RGS18: variants seen among roughly 807,000 people sequenced by gnomAD.
The protein encoded by RGS18 is regulator of G protein signaling 18, also known as regulator of G-protein signaling 18.
A neutral mutation model predicts 27.6 loss-of-function variants in RGS18; 22 were observed. The observed-to-expected ratio is 0.80, with a 90% CI of 0.57 to 1.14. RGS18 has a LOEUF of 1.14. Ranked by LOEUF, RGS18 falls within the 50% of genes most tolerant of loss-of-function variation. RGS18 has a pLI of 0.00. For missense variants in RGS18, 299 were observed against 269.6 expected (o/e 1.11, Z -0.76); for synonymous variants, 89 against 84.6 (o/e 1.05, Z -0.29).
chr1:192,164,260 T>C (rs1656124295), intron 3 of RGS18, among the ~76,000 whole-genome samples: 1 of 152,002 alleles, frequency 6.6e-6, no homozygotes, highest in Non-Finnish European at 1.5e-5. Context: ...AAGCAAAGAA[T>C]CAGTATAGGA....
At chr1:192,161,034 T>C (rs1457719682) in intron 3 of RGS18, among the ~76,000 whole-genome samples, 4 of 152,168 alleles carry the variant, frequency 2.6e-5, no homozygotes, top group Admixed American at 6.5e-5. Flanking sequence ...GTATTTTTAG[T>C]AGAGACAGGG....
rs1656027398 is a variant in RGS18, at chr1:192,159,217, C to T, written c.120-3C>T. 6.2e-7 allele frequency: 1 copy of T among 1,603,846 alleles called. No homozygotes were observed. Among genetic ancestry groups the T allele is most frequent in the Non-Finnish European group, 8.5e-7 (1 of 1,171,340 alleles). On this transcript the variant is annotated splice_region_variant and splice_polypyrimidine_tract_variant and intron_variant, in intron 1 of 4. Coordinates refer to ENST00000367460, the MANE Select transcript of RGS18 (RefSeq NM_130782.3). ...TCCTGACATGAAGGCCTTTTTATTA[C>T]AGAGCTAAGGAAAAAAGAAATAGAC... is the stretch of plus-strand genomic sequence containing the variant.
At chr1:192,177,066 G>T (rs1656371193) in intron 3 of RGS18, among the ~76,000 whole-genome samples, 1 of 151,760 alleles carries the variant, frequency 6.6e-6, no homozygotes, top group African/African-American at 2.4e-5. Flanking sequence ...AACTGTCACT[G>T]ATAGCCATTT....
At chr1:192,162,637 A>C (rs1656093970) in intron 3 of RGS18, among the ~76,000 whole-genome samples, 1 of 152,176 alleles carries the variant, frequency 6.6e-6, no homozygotes, top group Admixed American at 6.5e-5. Flanking sequence ...ATCTATGTCA[A>C]ACTTGCCCCG....
chr1:192,169,655 A>T (rs1291611317), intron 3 of RGS18: 4 of 152,132 alleles, frequency 2.6e-5, no homozygotes, highest in Non-Finnish European at 4.4e-5. Context: ...TTTCTTTTTA[A>T]TTAGGATTAC....
intron 3 of RGS18, among the ~76,000 whole-genome samples, chr1:192,174,625 CTAGTAA>C (rs1223954191): frequency 6.6e-6 from 1 of 151,734 alleles, no homozygotes; most frequent in Non-Finnish European, 1.5e-5. Flanking sequence ...TTGTTATGTA[CTAGTAA>C]TAATTGGTCA....
rs148020889 is a variant in RGS18, at chr1:192,162,770, A to T, written c.283+2331A>T. Among the ~76,000 whole-genome samples, 7 of 152,220 alleles carry T rather than the reference A, an allele frequency of 4.6e-5. No individual in the cohort carries two copies. In the South Asian group the frequency reaches 1.5e-3, roughly 32 times the overall value. On this transcript the variant is annotated intron_variant, in intron 3 of 4. Coordinates refer to ENST00000367460, the MANE Select transcript of RGS18 (RefSeq NM_130782.3). ...TGTCCCCCAAATGTGTTTATTTTAA[A>T]ATCTCCTCTTATATTCAACATTTTG...
chr1:192,159,009 T>C (rs1656022780), intron 1 of RGS18, among the ~76,000 whole-genome samples: 1 of 146,982 alleles, frequency 6.8e-6, no homozygotes, highest in Non-Finnish European at 1.5e-5. Flanking sequence ...TGAAATATAA[T>C]CTCAAATACT....
At chr1:192,183,359 G>A (rs1023465776) in intron 4 of RGS18, among the ~76,000 whole-genome samples, 3 of 151,544 alleles carry the variant, frequency 2.0e-5, no homozygotes, top group African/African-American at 7.3e-5. Flanking sequence ...AATGAAATGA[G>A]CACTGGAATA....
intron 3 of RGS18, among the ~76,000 whole-genome samples, chr1:192,161,665 C>T (rs963804976): frequency 1.3e-5 from 2 of 152,062 alleles, no homozygotes; most frequent in African/African-American, 2.4e-5. Context: ...CTTCCCAGAC[C>T]CTTCCAAGAT....
intron 3 of RGS18, among the ~76,000 whole-genome samples, chr1:192,175,223 TCTG>T (rs2102157598): frequency 6.6e-6 from 1 of 152,062 alleles, no homozygotes; most frequent in Admixed American, 6.6e-5. Context: ...AAAGTTTTTG[TCTG>T]CTATTTCCAA....
At chr1:192,160,537 C>G in intron 3 of RGS18, 98 bp downstream of exon 3, 1 of 790,844 alleles carries the variant, frequency 1.3e-6, no homozygotes, top group Non-Finnish European at 2.1e-6. Context: ...AAATTTTTGT[C>G]TGATTGTTAA....
At position 192,181,368 on chromosome 1, in the gene RGS18, A is replaced by C. The variant is rs1034328656; in HGVS notation, c.360A>C (p.Glu120Asp). Reference sequence around the variant, plus strand: ...ATATTGAATTTTGGATAGCCTGTGAAGATTTCAAGAAAAGCAAGGGACCTC... The same window carrying C: ...ATATTGAATTTTGGATAGCCTGTGACGATTTCAAGAAAAGCAAGGGACCTC... The part of the protein sequence containing the change: ...EENIEFWIAC[E>D]DFKKSKGPQQ... The change falls in exon 4 of 5, where the codon GAA becomes GAC. Residue 120 changes from glutamate to aspartate, a missense_variant. Transcript: ENST00000367460. The C allele has an allele frequency of 6.3e-7, 1 of 1,592,938 alleles. No homozygotes were observed. Among genetic ancestry groups the C allele is most frequent in the Non-Finnish European group, 8.5e-7 (1 of 1,169,774 alleles).
In RGS18 at chr1:192,159,290, A is replaced by G. The variant is rs752734136; in HGVS notation, c.190A>G (p.Ser64Gly). 15 of 1,613,374 alleles carry G rather than the reference A, an allele frequency of 9.3e-6. No homozygotes were observed. The highest frequency in any genetic ancestry group is 1.3e-5 in the African/African-American group (1 of 74,934). ...KPEFHEDTRS[S>G]RSGHLAKETR... Reference sequence around the variant, plus strand: ...TGAGTTTCATGAAGACACCCGCTCCAGTAGATCTGGGCACTTGGCCAAAGA... The same window carrying G: ...TGAGTTTCATGAAGACACCCGCTCCGGTAGATCTGGGCACTTGGCCAAAGA... The change falls in exon 2 of 5, where the codon AGT becomes GGT. Residue 64 changes from serine (S) to glycine (G), a missense_variant. Ser to Gly is a moderately conservative substitution (Grantham distance 56). Transcript: ENST00000367460.
intron 3 of RGS18, chr1:192,169,207 C>A (rs1656214862): frequency 2.0e-5 from 3 of 152,110 alleles, no homozygotes; most frequent in Admixed American, 6.6e-5. Flanking sequence ...AAGTAATGGT[C>A]ATATTCTTCT....
chr1:192,162,002 A>G (rs1490627867), intron 3 of RGS18, among the ~76,000 whole-genome samples: 1 of 152,218 alleles, frequency 6.6e-6, no homozygotes, highest in Non-Finnish European at 1.5e-5. Flanking sequence ...ATGAAAGTAG[A>G]TGGCTGCCTC....
At chr1:192,168,507 C>T (rs1300313534) in intron 3 of RGS18, 1 of 152,124 alleles carries the variant, frequency 6.6e-6, no homozygotes, top group Non-Finnish European at 1.5e-5. Flanking sequence ...TAACAAAGGG[C>T]TTTTGCATAA....
At chr1:192,165,687 A>G (rs891953356) in intron 3 of RGS18, among the ~76,000 whole-genome samples, 3 of 152,206 alleles carry the variant, frequency 2.0e-5, no homozygotes, top group African/African-American at 7.2e-5. Flanking sequence ...TCTGCAAAAT[A>G]TTTCTGTAAA....
chr1:192,181,145 A>G, intron 3 of RGS18, 147 bp from the exon 4 acceptor site: 2 of 456,940 alleles, frequency 4.4e-6, no homozygotes, highest in South Asian at 8.9e-5. Flanking sequence ...TCTCTCAGGT[A>G]TATTGTGCAA....
Sources: allele counts gnomAD v4.1 joint callset (sites outside exome capture counted in the v4.1 genomes callset), GRCh38; gene constraint gnomAD v4.1.1; transcripts MANE v1.5; gene names NCBI Gene and HGNC (gene_info 2026-07-23, HGNC 2026-07-21).